The following MYO10 variants were observed in gnomAD, a reference collection of about 807,000 sequenced individuals.
MYO10 encodes the protein unconventional myosin-X.
MYO10 carries 133 observed loss-of-function variants against 257.3 expected under a neutral mutation model. The ratio of observed to expected loss-of-function variants is 0.52; its 90% confidence interval spans 0.45 to 0.60. The LOEUF (loss-of-function observed/expected upper bound fraction) is 0.60. MYO10 is among the 20% of genes least tolerant of loss of function. The probability of loss-of-function intolerance (pLI) is 0.00; values close to 1 mark genes in which losing one functional copy is unlikely to be tolerated. For missense variants in MYO10, 2,399 were observed against 2,635.7 expected, an observed-to-expected ratio of 0.91 and a Z score of 1.97; for synonymous variants, 1,104 against 1,028.6, an observed-to-expected ratio of 1.07 and a Z score of -1.40.
chr5:16,913,867 C>A (rs1189161497), intron 1 of MYO10, among the ~76,000 whole-genome samples: 1 of 151,960 alleles, frequency 6.6e-6, no homozygotes, highest in East Asian at 1.9e-4. Context: ...TACAGTTGCT[C>A]GAGACAAAAA....
At chr5:16,813,588 G>A (rs1742508493) in intron 3 of MYO10, among the ~76,000 whole-genome samples, 1 of 151,156 alleles carries the variant, frequency 6.6e-6, no homozygotes, top group African/African-American at 2.4e-5. Context: ...AAAAAAAGGA[G>A]GACACGTATG....
Position 16,666,723 on chromosome 5 carries a change from C to G in MYO10, c.6146G>C (p.Arg2049Pro). 6.2e-7 allele frequency: 1 copy of G among 1,606,542 alleles called. No homozygotes were observed. Among genetic ancestry groups the G allele is most frequent in the Non-Finnish European group, 8.5e-7 (1 of 1,177,912 alleles). Residue 2049 changes from arginine (R) to proline (P), a missense_variant, in exon 41 of 41, where the codon CGC (arginine) becomes CCC (proline). Coordinates refer to ENST00000513610, the MANE Select transcript of MYO10 (RefSeq NM_012334.3). Reference sequence around the variant, plus strand: ...GGAGCTGCCCTGGCTGCTGGCGGAGCGTGTCGTGCTGTAGCGCTTCTTCAC... The same window carrying G: ...GGAGCTGCCCTGGCTGCTGGCGGAGGGTGTCGTGCTGTAGCGCTTCTTCAC... ...MIVKKRYSTT[R>P]SASSQGSSR
In MYO10 at chr5:16,701,987, G is replaced by A; in HGVS notation, c.2557-149C>T. 2.2e-6 allele frequency: 2 copies of A among 894,116 alleles called. No individual in the cohort carries two copies. The highest frequency in any genetic ancestry group is 3.1e-5 in the Admixed American group (1 of 32,458). The allele number at this position is 894,116 out of a possible 1,614,324, so 55.4% of individuals were successfully genotyped here. ...AGGTTGAAGTCCTAACCCCAATACT[G>A]CAGAATGTGACTGCATTTGGAGATA... On this transcript the variant is annotated intron_variant, in intron 24 of 40. Coordinates refer to ENST00000513610, the MANE Select transcript of MYO10 (RefSeq NM_012334.3). This position sits in a 1 kb window ranked among gnomAD's most constrained non-coding sequence, Gnocchi z 8.1.
intron 1 of MYO10, among the ~76,000 whole-genome samples, chr5:16,888,438 A>G (rs1224331518): frequency 1.3e-5 from 2 of 151,856 alleles, no homozygotes; most frequent in Non-Finnish European, 2.9e-5. Context: ...TCTACTAAAA[A>G]TACAAAATTA....
In MYO10 at chr5:16,779,589, C is replaced by G. The variant is rs201022172; in HGVS notation, c.886G>C (p.Glu296Gln). Residue 296 changes from glutamate to glutamine, a missense_variant, in exon 9 of 41, where the codon GAA (glutamate) becomes CAA (glutamine). Coordinates refer to ENST00000513610, the MANE Select transcript of MYO10 (RefSeq NM_012334.3). ...TCCTGGTCACTGATTGTCTTGTCTTCTACACATCCAGACTGATTCAAGTAG... is the reference window on the plus strand; with the variant it reads ...TCCTGGTCACTGATTGTCTTGTCTTGTACACATCCAGACTGATTCAAGTAG... Reference protein sequence around the residue: ...YHYLNQSGCVEDKTISDQESF... With the variant: ...YHYLNQSGCVQDKTISDQESF... The G allele has an allele frequency of 1.3e-4, 200 of 1,597,880 alleles. No homozygotes were observed. The African/African-American group carries it at 2.6e-3, about 20-fold the overall frequency.
At chr5:16,912,845 C>T (rs58575280) in intron 1 of MYO10, among the ~76,000 whole-genome samples, 89 of 150,642 alleles carry the variant, frequency 5.9e-4, no homozygotes, top group African/African-American at 2.1e-3. Context: ...CACACACACA[C>T]ACACCATGGT....
In MYO10 at chr5:16,742,692, T is replaced by C. The variant is rs184183600; in HGVS notation, c.1929+12136A>G. ...CAGGCATGGTGGTGGGTGCCTCTAA[T>C]TCCAGCTACTCGGGAGGCTGAGGCA... On this transcript the variant is annotated intron_variant, in intron 19 of 40. Transcript: ENST00000513610. Among the ~76,000 whole-genome samples, 63 of 152,016 alleles carry C rather than the reference T, an allele frequency of 4.1e-4. 1 individual carries two copies. In the East Asian group the frequency reaches 8.7e-3, roughly 21 times the overall value.
rs70940395 is a variant in MYO10, at chr5:16,663,328, G to GTTTTTTTT, written c.*3356_*3363dup. 99 of 76,878 alleles carry GTTTTTTTT rather than the reference G, an allele frequency of 1.3e-3. 15 individuals are homozygous for GTTTTTTTT. Among genetic ancestry groups the GTTTTTTTT allele is most frequent in the African/African-American group, 3.7e-3 (58 of 15,518 alleles). 4.8% of individuals were successfully genotyped at this position (76,878 alleles called of 1,614,324 possible). On this transcript the variant is annotated 3_prime_UTR_variant, in exon 41 of 41. Coordinates refer to ENST00000513610, the MANE Select transcript of MYO10 (RefSeq NM_012334.3). Reference sequence around the variant, plus strand: ...AAAAAGTAACATTTTACTTCTAGTTGTTTTTTTTTTTTTTTTTTTTTTTTT... The same window carrying GTTTTTTTT: ...AAAAAGTAACATTTTACTTCTAGTTGTTTTTTTTTTTTTTTTTTTTTTTTTTTTTTTTT...
intron 10 of MYO10, among the ~76,000 whole-genome samples, chr5:16,766,701 A>G (rs960861771): frequency 4.6e-5 from 7 of 151,560 alleles, no homozygotes; most frequent in Admixed American, 3.9e-4. Context: ...TCTTGACCTC[A>G]TGATCTACCC....
chr5:16,797,683 G>A (rs1397899888), intron 3 of MYO10, among the ~76,000 whole-genome samples: 3 of 152,178 alleles, frequency 2.0e-5, no homozygotes, highest in African/African-American at 7.2e-5. Flanking sequence ...ATGAGCCTTG[G>A]AGACATATTA....
intron 1 of MYO10, chr5:16,902,314 G>A (rs1371508640): frequency 1.2e-6 from 1 of 855,018 alleles, no homozygotes; most frequent in South Asian, 1.3e-5. Context: ...TTTGGTAGGG[G>A]ACATGGGGCA....
At chr5:16,853,389 T>A (rs1035939531) in intron 2 of MYO10, among the ~76,000 whole-genome samples, 2 of 147,480 alleles carry the variant, frequency 1.4e-5, no homozygotes, top group Non-Finnish European at 3.0e-5. Context: ...AAAAAAAAAA[T>A]TCATGATCAT....
At chr5:16,922,272 G>T (rs249120) in intron 1 of MYO10, among the ~76,000 whole-genome samples, 120,953 of 151,560 alleles carry the variant, frequency 0.8, 48,814 homozygotes, top group African/African-American at 0.92. Flanking sequence ...AGGGCACATG[G>T]GCCCACATCT....
intron 2 of MYO10, among the ~76,000 whole-genome samples, chr5:16,855,850 T>G (rs1489048465): frequency 2.0e-5 from 3 of 152,132 alleles, no homozygotes; most frequent in Admixed American, 2.0e-4. Context: ...GAACAGCAGA[T>G]CATTCCAGGA....
At chr5:16,853,180 C>A (rs1433975098) in intron 2 of MYO10, among the ~76,000 whole-genome samples, 2 of 152,022 alleles carry the variant, frequency 1.3e-5, no homozygotes, top group Non-Finnish European at 2.9e-5. Context: ...ACCATCCTGG[C>A]TAACACAGTG....
intron 2 of MYO10, among the ~76,000 whole-genome samples, chr5:16,832,483 C>G (rs1743189470): frequency 6.6e-6 from 1 of 152,094 alleles, no homozygotes; most frequent in Non-Finnish European, 1.5e-5. Context: ...GAAAAAAGGG[C>G]TTCTCCTCTA....
At chr5:16,834,022 CG>C (rs1284766590) in intron 2 of MYO10, among the ~76,000 whole-genome samples, 1 of 152,104 alleles carries the variant, frequency 6.6e-6, no homozygotes, top group East Asian at 1.9e-4. Flanking sequence ...CAGGCCCCCC[CG>C]AACGCCCCAT....
rs1486957199 is a variant in MYO10 at position 16,681,898 on chromosome 5, C to A, written c.4162G>T (p.Val1388Leu). The change falls in exon 31 of 41, where the codon GTG becomes TTG. Residue 1388 changes from valine to leucine, a missense_variant. This residue lies in a region of MYO10 where 1,820 missense variants were observed against 1,939.4 expected (regional missense o/e 0.94). Transcript: ENST00000513610. ...LLQRSKGDTR[V>L]EGQEFIVRGW... ...CTCACGATGAATTCCTGGCCCTCCA[C>A]TCTGGTGTCCCCTTTGGACCTCTGC... 1.2e-6 allele frequency: 2 copies of A among 1,613,986 alleles called. No homozygotes were observed. Among genetic ancestry groups the A allele is most frequent in the South Asian group, 1.1e-5 (1 of 91,080 alleles).
chr5:16,712,524 C>A (rs16869025), intron 19 of MYO10, among the ~76,000 whole-genome samples: 3,340 of 152,250 alleles, frequency 0.022, 117 homozygotes, highest in African/African-American at 0.076. Flanking sequence ...TGCCATAGGA[C>A]CTAACTGTTA....
Sources: allele counts gnomAD v4.1 joint callset (sites outside exome capture counted in the v4.1 genomes callset), GRCh38; gene constraint gnomAD v4.1.1; regional missense constraint gnomAD v4.1.1; non-coding constraint Gnocchi (gnomAD v3.1); transcripts MANE v1.5; gene names NCBI Gene and HGNC (gene_info 2026-07-23, HGNC 2026-07-21).